PALLD: variants seen among roughly 807,000 people sequenced by gnomAD.
PALLD encodes palladin, cytoskeletal associated protein.
In PALLD, 61 loss-of-function variants were observed where a neutral mutation model predicts 123.5. The ratio of observed to expected loss-of-function variants is 0.49; its 90% CI spans 0.40 to 0.61. PALLD has a LOEUF of 0.61. PALLD is among the 20% of genes least tolerant of loss of function. The pLI is 0.00. For missense variants in PALLD, 1,273 were observed against 1,377.0 expected (o/e 0.92, Z 1.20); for synonymous variants, 465 against 496.4 (o/e 0.94, Z 0.84).
intron 10 of PALLD, among the ~76,000 whole-genome samples, chr4:168,861,668 AT>A (rs1033326227): frequency 1.3e-5 from 2 of 150,832 alleles, no homozygotes; most frequent in Non-Finnish European, 3.0e-5. Flanking sequence ...ATTTTTTTTA[AT>A]TTTTTTTTAT....
In PALLD at chr4:168,764,966, A is replaced by G. The variant is rs115719883; in HGVS notation, c.1964+53043A>G. On this transcript the variant is annotated intron_variant, in intron 10 of 21. Coordinates refer to ENST00000505667, the MANE Select transcript of PALLD (RefSeq NM_001166108.2). ...TTTTTCTCATTTGAATCGAGGGTTT[A>G]TACACTGCCCAATATACCATATCCA... Among the ~76,000 whole-genome samples the G allele has an allele frequency of 3.5e-3, 527 of 152,272 alleles. 2 individuals are homozygous for G. In the Middle Eastern group the frequency reaches 0.048, roughly 14 times the overall value.
intron 10 of PALLD, among the ~76,000 whole-genome samples, chr4:168,766,615 T>C (rs918998460): frequency 1.2e-4 from 18 of 152,364 alleles, no homozygotes; most frequent in African/African-American, 4.3e-4. Flanking sequence ...CTGTAGTGGC[T>C]GCAAGACAGC....
chr4:168,662,844 A>G (rs1172227556), intron 2 of PALLD, among the ~76,000 whole-genome samples: 3 of 152,234 alleles, frequency 2.0e-5, no homozygotes. Context: ...TGTGGTGCCA[A>G]ACTTCAAAAC....
At chr4:168,718,834 T>A (rs1049265158) in intron 10 of PALLD, among the ~76,000 whole-genome samples, 1 of 152,198 alleles carries the variant, frequency 6.6e-6, no homozygotes, top group Non-Finnish European at 1.5e-5. Context: ...AATTAAAAAG[T>A]CTTATTTTTA....
rs1331680648 is a variant in PALLD, at chr4:168,844,141, GC to G, written c.1965-46780del. On this transcript the variant is annotated intron_variant, in intron 10 of 21. Coordinates refer to ENST00000505667, the MANE Select transcript of PALLD (RefSeq NM_001166108.2). This position sits in a 1 kb window ranked among gnomAD's most constrained non-coding sequence, Gnocchi z 4.5. ...CGTATCTGGTTGTGCAAATCAAAGA[GC>G]TTTGACAGTTTGTTTTTTGTTTGTT... 1 of 152,200 alleles carries G rather than the reference GC, an allele frequency of 6.6e-6. No individual in the cohort carries two copies. Among genetic ancestry groups the G allele is most frequent in the African/African-American group, 2.4e-5 (1 of 41,450 alleles). 9.4% of individuals were successfully genotyped at this position (152,200 alleles called of 1,614,324 possible).
chr4:168,518,010 C>A (rs1181875494), intron 2 of PALLD, among the ~76,000 whole-genome samples: 1 of 133,010 alleles, frequency 7.5e-6, no homozygotes. Flanking sequence ...ATACTCTTAT[C>A]AAATTTGTCG....
chr4:168,714,244 G>C (rs1015801939), intron 10 of PALLD, among the ~76,000 whole-genome samples: 1 of 152,020 alleles, frequency 6.6e-6, no homozygotes, highest in Non-Finnish European at 1.5e-5. Flanking sequence ...TCTGAAAGTT[G>C]TGGTATGGTG....
intron 10 of PALLD, among the ~76,000 whole-genome samples, chr4:168,726,557 CT>C (rs368429409): frequency 0.023 from 3,534 of 151,622 alleles, 116 homozygotes; most frequent in African/African-American, 0.071. Flanking sequence ...TAATTTTTTT[CT>C]TTTTTGTAGA....
intron 10 of PALLD, among the ~76,000 whole-genome samples, chr4:168,802,760 G>A (rs981124287): frequency 2.0e-5 from 3 of 151,786 alleles, no homozygotes; most frequent in East Asian, 1.9e-4. Flanking sequence ...GCACCATGTC[G>A]GCTCACCGCA....
chr4:168,565,023 CAAA>C (rs761594759), intron 2 of PALLD, among the ~76,000 whole-genome samples: 71 of 116,016 alleles, frequency 6.1e-4, no homozygotes, highest in South Asian at 2.1e-3. Flanking sequence ...CCATCTCTAC[CAAA>C]AAAAAAAAAA....
intron 2 of PALLD, among the ~76,000 whole-genome samples, chr4:168,639,871 G>A (rs1329906047): frequency 6.6e-6 from 1 of 152,100 alleles, no homozygotes; most frequent in Non-Finnish European, 1.5e-5. Flanking sequence ...TTGTGGCCAG[G>A]AAGAGTTAAG....
intron 2 of PALLD, among the ~76,000 whole-genome samples, chr4:168,602,633 T>G (rs1772782455): frequency 1.3e-5 from 2 of 152,320 alleles, no homozygotes; most frequent in South Asian, 2.1e-4. Context: ...CAGACTCCAT[T>G]TTAGCCATTT....
At position 168,888,532 on chromosome 4, in the gene PALLD, T is replaced by G. The variant is rs886867391; in HGVS notation, c.1965-2390T>G. On this transcript the variant is annotated intron_variant, in intron 10 of 21. Transcript: ENST00000505667. ...GTTATGGAGTGAACAATGCCGCTTT[T>G]GACATTGCATTTCTGACACAGTGAT... 5.9e-5 allele frequency among the ~76,000 whole-genome samples: 9 copies of G among 152,166 alleles called. No homozygotes were observed. In the South Asian group the frequency reaches 1.9e-3, roughly 32 times the overall value.
rs138970574 is a variant in PALLD at position 168,532,803 on chromosome 4, A to T, written c.908+20391A>T. Among the ~76,000 whole-genome samples the T allele has an allele frequency of 9.9e-4, 151 of 152,302 alleles. No homozygotes were observed. The East Asian group carries it at 0.012, about 12-fold the overall frequency. ...AATTCCATAAGAAGAAATCACAGAT[A>T]ATGAAAGAAAGGGAAACCATTGAAA... On this transcript the variant is annotated intron_variant, in intron 2 of 21. Coordinates refer to ENST00000505667, the MANE Select transcript of PALLD (RefSeq NM_001166108.2).
At chr4:168,564,807 A>G (rs1284143831) in intron 2 of PALLD, among the ~76,000 whole-genome samples, 1 of 152,180 alleles carries the variant, frequency 6.6e-6, no homozygotes, top group Non-Finnish European at 1.5e-5. Flanking sequence ...ATTAAGTCAT[A>G]GGTCTCTACA....
At chr4:168,863,493 G>T (rs531628919) in intron 10 of PALLD, among the ~76,000 whole-genome samples, 13 of 152,198 alleles carry the variant, frequency 8.5e-5, no homozygotes, top group Non-Finnish European at 1.8e-4. Flanking sequence ...GGCGGAGACA[G>T]GCAAAGAGGG....
intron 2 of PALLD, among the ~76,000 whole-genome samples, chr4:168,533,270 A>G (rs1335496108): frequency 6.6e-6 from 1 of 152,120 alleles, no homozygotes; most frequent in Non-Finnish European, 1.5e-5. Context: ...CTATCCATGG[A>G]CAGAATTAAT....
intron 2 of PALLD, among the ~76,000 whole-genome samples, chr4:168,663,955 T>G (rs1779376499): frequency 1.3e-5 from 2 of 152,202 alleles, no homozygotes; most frequent in African/African-American, 2.4e-5. Context: ...CTTTAGAACA[T>G]GCATCCGATG....
intron 10 of PALLD, among the ~76,000 whole-genome samples, chr4:168,872,307 G>A (rs1333534382): frequency 6.6e-6 from 1 of 152,192 alleles, no homozygotes; most frequent in Non-Finnish European, 1.5e-5. Flanking sequence ...CTCTAAAAGA[G>A]ACTCAAGTCA....
Sources: gnomAD v4.1 joint callset for allele counts (sites outside exome capture counted in the v4.1 genomes callset) on GRCh38, gnomAD v4.1.1 for gene constraint, Gnocchi (gnomAD v3.1) non-coding constraint, MANE v1.5 for transcripts, NCBI Gene and HGNC (gene_info 2026-07-23, HGNC 2026-07-21) for gene names.